CFI: variants seen among roughly 807,000 people sequenced by gnomAD.
CFI encodes the protein complement factor I.
In CFI, 66 loss-of-function variants were observed where a neutral mutation model predicts 78.8. The observed-to-expected ratio is 0.84, with a 90% CI of 0.69 to 1.03. The LOEUF (loss-of-function observed/expected upper bound fraction) is 1.03, where lower values mean the gene tolerates loss of function less well. CFI is among the 50% of genes least tolerant of loss of function. The probability of loss-of-function intolerance (pLI) is 0.00; values close to 1 mark genes in which losing one functional copy is unlikely to be tolerated. For synonymous variants in CFI, 250 were observed against 232.6 expected (o/e 1.07, Z -0.68); for missense variants, 706 against 704.5 (o/e 1.00, Z -0.02).
chr4:109,740,699 C>T lies in CFI; in HGVS notation c.*194G>A, dbSNP rs1200856393. ...TTTTCTGATAAATAAAACTTGTATG[C>T]TTCACCAAAATATTTATTTGAGAAT... On this transcript the variant is annotated 3_prime_UTR_variant, in exon 13 of 13. Coordinates refer to ENST00000394634, the MANE Select transcript of CFI (RefSeq NM_000204.5). 2 of 658,856 alleles carry T rather than the reference C, an allele frequency of 3.0e-6. No individual in the cohort carries two copies. Among genetic ancestry groups the T allele is most frequent in the Admixed American group, 2.5e-5 (1 of 40,192 alleles). 40.8% of individuals were successfully genotyped at this position (658,856 alleles called of 1,614,324 possible).
At chr4:109,747,723 C>T (rs188784838) in intron 10 of CFI, among the ~76,000 whole-genome samples, 173 of 152,168 alleles carry the variant, frequency 1.1e-3, no homozygotes, top group African/African-American at 4.0e-3. Context: ...TATCAGTGTT[C>T]CTCAACCTTT....
chr4:109,798,603 G>T (rs1027787180), intron 1 of CFI, among the ~76,000 whole-genome samples: 23 of 151,310 alleles, frequency 1.5e-4, no homozygotes, highest in African/African-American at 5.6e-4. Context: ...TTCTGTAAAT[G>T]GTCCATACTT....
rs568632297 is a variant in CFI at position 109,746,336 on chromosome 4, C to T, written c.1315G>A (p.Gly439Arg). Residue 439 changes from glycine to arginine, a missense_variant, in exon 11 of 13, where the codon GGA (glycine) becomes AGA (arginine). Physicochemically the swap from Gly to Arg is moderately radical, Grantham distance 125 (BLOSUM62 -2). Coordinates refer to ENST00000394634, the MANE Select transcript of CFI (RefSeq NM_000204.5). ...GGCAGCTCACAATCTTTTTTGTTTC[C>T]GTCTTTTTTCATTTCAATCAAAGCG... ...DIALIEMKKDGNKKDCELPRS... is the reference protein window; with the variant it reads ...DIALIEMKKDRNKKDCELPRS... The T allele has an allele frequency of 1.5e-4, 238 of 1,614,096 alleles. 1 individual carries two copies. The South Asian group carries it at 2.3e-3, about 16-fold the overall frequency.
At chr4:109,783,643 C>T (rs1260927226) in intron 1 of CFI, among the ~76,000 whole-genome samples, 1 of 151,696 alleles carries the variant, frequency 6.6e-6, no homozygotes, top group East Asian at 1.9e-4. Flanking sequence ...AAAAGTAGAA[C>T]TACCATCAGA....
intron 3 of CFI, 63 bp downstream of exon 3, chr4:109,764,474 A>C: frequency 6.4e-7 from 1 of 1,556,518 alleles, no homozygotes; most frequent in Non-Finnish European, 8.8e-7. Context: ...AAGGTTAGGT[A>C]ATCAAAAAGC....
chr4:109,791,107 T>C (rs1731323793), intron 1 of CFI, among the ~76,000 whole-genome samples: 1 of 152,110 alleles, frequency 6.6e-6, no homozygotes, highest in African/African-American at 2.4e-5. Context: ...CTCGACAGCA[T>C]GTTATTTTTT....
chr4:109,743,483 G>A (rs1016289017), intron 11 of CFI, among the ~76,000 whole-genome samples: 4 of 152,110 alleles, frequency 2.6e-5, no homozygotes, highest in Middle Eastern at 3.2e-3. Flanking sequence ...CTTGAGAGCT[G>A]GACTTCATCT....
chr4:109,796,328 C>T (rs1307740282), intron 1 of CFI, among the ~76,000 whole-genome samples: 1 of 152,078 alleles, frequency 6.6e-6, no homozygotes, highest in Non-Finnish European at 1.5e-5. Flanking sequence ...AAGACTTTCC[C>T]TAATAAATCA....
At chr4:109,792,523 C>T (rs72674895) in intron 1 of CFI, among the ~76,000 whole-genome samples, 35,618 of 152,074 alleles carry the variant, frequency 0.23, 4,896 homozygotes, top group Admixed American at 0.36. Flanking sequence ...CGATATCATG[C>T]CACTGCATTC....
chr4:109,737,086 A>G (rs1723416000), downstream of CFI, among the ~76,000 whole-genome samples: 1 of 152,026 alleles, frequency 6.6e-6, no homozygotes, highest in South Asian at 2.1e-4. Context: ...TTCTACCTTC[A>G]TTATTTTTCA....
intron 1 of CFI, among the ~76,000 whole-genome samples, chr4:109,772,018 A>G (rs939361835): frequency 6.6e-6 from 1 of 152,232 alleles, no homozygotes; most frequent in African/African-American, 2.4e-5. Context: ...AGTTTGCTAT[A>G]CTTATAATTT....
chr4:109,760,964 C>T (rs1726979367), intron 4 of CFI, among the ~76,000 whole-genome samples: 1 of 152,178 alleles, frequency 6.6e-6, no homozygotes, highest in Non-Finnish European at 1.5e-5. Flanking sequence ...TACTCATCCT[C>T]ACCCCTACTC....
chr4:109,745,573 CT>C (rs1485758862), intron 11 of CFI, among the ~76,000 whole-genome samples: 1 of 152,148 alleles, frequency 6.6e-6, no homozygotes, highest in African/African-American at 2.4e-5. Flanking sequence ...GTGTCCACAT[CT>C]TTTATTCGTA....
chr4:109,787,855 G>A (rs1730938860), intron 1 of CFI, among the ~76,000 whole-genome samples: 1 of 151,866 alleles, frequency 6.6e-6, no homozygotes, highest in Non-Finnish European at 1.5e-5. Context: ...CTAAAATTTT[G>A]TCTATTTTTT....
At position 109,742,551 on chromosome 4, in the gene CFI, T is replaced by C; in HGVS notation, c.1474A>G (p.Ile492Val). The C allele has an allele frequency of 2.5e-6, 4 of 1,613,702 alleles. No individual in the cohort carries two copies. Among genetic ancestry groups the C allele is most frequent in the Non-Finnish European group, 3.4e-6 (4 of 1,179,614 alleles). The change falls in exon 12 of 13, where the codon ATA (isoleucine) becomes GTA (valine). Residue 492 changes from isoleucine to valine, a missense_variant. Ile to Val is a conservative substitution (Grantham distance 29). Transcript: ENST00000394634. ...CCGTAAAACTTAGAGCAGTTGCTTA[T>C]TAGTTTAACTTCACCCCACTGAAGT... is the stretch of plus-strand genomic sequence containing the variant. ...FSLQWGEVKL[I>V]SNCSKFYGNR...
At chr4:109,764,745 T>C (rs1050336546) in intron 2 of CFI, 55 bp from the exon 3 acceptor site, 2 of 1,491,600 alleles carry the variant, frequency 1.3e-6, no homozygotes. Context: ...TTTTTTCTCT[T>C]AATTAAAAGT....
intron 1 of CFI, among the ~76,000 whole-genome samples, chr4:109,788,120 G>A (rs567323162): frequency 6.6e-5 from 10 of 152,096 alleles, no homozygotes; most frequent in African/African-American, 2.2e-4. Context: ...TAATCAGCCC[G>A]CAAAGGGCAG....
intron 4 of CFI, among the ~76,000 whole-genome samples, chr4:109,761,069 T>G (rs917809282): frequency 6.6e-6 from 1 of 152,190 alleles, no homozygotes; most frequent in Non-Finnish European, 1.5e-5. Context: ...TCTTTAAAAC[T>G]ACATGTATGA....
the CFI span, among the ~76,000 whole-genome samples, chr4:109,731,939 A>G: frequency 1.3e-5 from 2 of 152,190 alleles, no homozygotes; most frequent in Non-Finnish European, 2.9e-5. Flanking sequence ...AGCTTTCTGG[A>G]ACATTGGTTT....
Sources: allele counts gnomAD v4.1 joint callset (sites outside exome capture counted in the v4.1 genomes callset), GRCh38; gene constraint gnomAD v4.1.1; transcripts MANE v1.5; gene names NCBI Gene and HGNC (gene_info 2026-07-23, HGNC 2026-07-21).